ELF2: variants seen among roughly 807,000 people sequenced by gnomAD.
ELF2 encodes the protein ETS-related transcription factor Elf-2.
Under a neutral mutation model 54.8 loss-of-function variants are expected in ELF2, and 11 were observed. The observed-to-expected ratio is 0.20, with a 90% CI of 0.13 to 0.33. ELF2 has a LOEUF of 0.33. Ranked by LOEUF, ELF2 falls within the 10% of genes least tolerant of loss-of-function variation. The pLI, the probability that ELF2 is intolerant of heterozygous loss-of-function variation, is 1.00. For missense variants in ELF2, 513 were observed against 703.0 expected, an observed-to-expected ratio of 0.73 and a Z score of 3.06; for synonymous variants, 203 against 245.1, an observed-to-expected ratio of 0.83 and a Z score of 1.61.
chr4:139,138,171 C>A (rs1738366158), intron 2 of ELF2, among the ~76,000 whole-genome samples: 1 of 152,166 alleles, frequency 6.6e-6, no homozygotes, highest in Non-Finnish European at 1.5e-5. Flanking sequence ...TATATTCCAG[C>A]ACTTTGGGAG....
At chr4:139,120,742 C>T (rs762084032) in intron 4 of ELF2, among the ~76,000 whole-genome samples, 1 of 152,218 alleles carries the variant, frequency 6.6e-6, no homozygotes, top group East Asian at 1.9e-4. Flanking sequence ...CTACTTAAAA[C>T]CTTCCAAATC....
chr4:139,172,739 GT>G (rs1742434512), intron 1 of ELF2, among the ~76,000 whole-genome samples: 2 of 151,924 alleles, frequency 1.3e-5, no homozygotes, highest in Admixed American at 1.3e-4. Flanking sequence ...CTATTGTATT[GT>G]TTTTAATCTC....
chr4:139,139,294 A>C (rs1056832091), intron 2 of ELF2, 119 bp downstream of exon 2: 2 of 468,768 alleles, frequency 4.3e-6, no homozygotes, highest in Non-Finnish European at 6.5e-6. Context: ...AAAATGGAAC[A>C]GAAAGTCTTT....
chr4:139,132,830 A>G (rs1228237138), intron 3 of ELF2, among the ~76,000 whole-genome samples: 4 of 118,018 alleles, frequency 3.4e-5, no homozygotes, highest in Admixed American at 9.3e-5. Context: ...CAAAGTGGTT[A>G]TATTACTTTA....
intron 1 of ELF2, among the ~76,000 whole-genome samples, chr4:139,163,857 T>G (rs1184661643): frequency 6.7e-6 from 1 of 149,636 alleles, no homozygotes; most frequent in East Asian, 2.0e-4. Flanking sequence ...AAGCCTACAG[T>G]GAGGTATGAT....
intron 3 of ELF2, among the ~76,000 whole-genome samples, chr4:139,134,159 G>A (rs1480915108): frequency 2.0e-5 from 3 of 152,018 alleles, no homozygotes; most frequent in Admixed American, 6.6e-5. Context: ...TAGAAAGTTT[G>A]TATAATGAAT....
At chr4:139,161,957 G>A (rs958230243) in intron 1 of ELF2, among the ~76,000 whole-genome samples, 5 of 152,282 alleles carry the variant, frequency 3.3e-5, no homozygotes, top group African/African-American at 1.2e-4. Flanking sequence ...AGCTGGGTGT[G>A]GTGGTGGACG....
intron 1 of ELF2, among the ~76,000 whole-genome samples, chr4:139,159,552 T>C (rs1293470143): frequency 6.6e-6 from 1 of 152,110 alleles, no homozygotes; most frequent in Non-Finnish European, 1.5e-5. Context: ...GCTGCTTTTT[T>C]AGCTACCTTA....
At chr4:139,066,943 A>T (rs1728795600) in intron 7 of ELF2, 1 of 152,010 alleles carries the variant, frequency 6.6e-6, no homozygotes, top group South Asian at 2.1e-4. Context: ...TGGAAAATTA[A>T]ATTTAGCTCA....
chr4:139,151,963 C>G (rs1740042827), intron 1 of ELF2, among the ~76,000 whole-genome samples: 1 of 152,140 alleles, frequency 6.6e-6, no homozygotes, highest in African/African-American at 2.4e-5. Context: ...GCTATTACAC[C>G]AATCATATCT....
At chr4:139,113,307 A>G (rs1457475904) in intron 4 of ELF2, among the ~76,000 whole-genome samples, 2 of 152,188 alleles carry the variant, frequency 1.3e-5, no homozygotes, top group Non-Finnish European at 2.9e-5. Context: ...CCAGTGAGCC[A>G]TGATCATACC....
rs147250618 is a variant in ELF2, at chr4:139,105,994, T to A, written c.238+19170A>T. Among the ~76,000 whole-genome samples, 374 of 152,280 alleles carry A rather than the reference T, an allele frequency of 2.5e-3. 1 individual carries two copies. The highest frequency in any genetic ancestry group is 8.5e-3 in the African/African-American group (354 of 41,562). On this transcript the variant is annotated intron_variant, in intron 4 of 9. Transcript: ENST00000686138. ...CACAGATCCACTGAATCAGAAGTCC[T>A]GGGGATGGGTCCAACAATCTGTATT... is the stretch of plus-strand genomic sequence containing the variant.
chr4:139,121,214 T>C lies in ELF2; in HGVS notation c.238+3950A>G, dbSNP rs1164244285. On this transcript the variant is annotated intron_variant, in intron 4 of 9. Transcript: ENST00000686138. ...AGCTCCGCCTCCCGGGTTCACGCCA[T>C]TCTCCTGCCTCAGCCTCCCGAGTAG... 2.7e-5 allele frequency among the ~76,000 whole-genome samples: 4 copies of C among 145,694 alleles called. No homozygotes were observed. The Admixed American group carries it at 2.8e-4, about 10-fold the overall frequency.
chr4:139,132,141 G>C (rs767175049), intron 3 of ELF2, among the ~76,000 whole-genome samples: 2 of 151,640 alleles, frequency 1.3e-5, no homozygotes, highest in Non-Finnish European at 2.9e-5. Context: ...CAATGATCCT[G>C]GTAATTAAGA....
At chr4:139,141,680 T>C (rs533555110) in intron 1 of ELF2, among the ~76,000 whole-genome samples, 3 of 152,172 alleles carry the variant, frequency 2.0e-5, no homozygotes, top group African/African-American at 7.2e-5. Flanking sequence ...AGGAAGGCCA[T>C]ATGAGGACCT....
In ELF2 at chr4:139,121,095, A is replaced by ATTTTTTTTT. The variant is rs10711256; in HGVS notation, c.238+4060_238+4068dup. The stretch of plus-strand genomic sequence containing the variant: ...GCTTTGTATTTTGAATATAACACAG[A>ATTTTTTTTT]TTTTTTTTTTTTTTTTTTTTTTTTT... On this transcript the variant is annotated intron_variant, in intron 4 of 9. Coordinates refer to ENST00000686138, the MANE Select transcript of ELF2 (RefSeq NM_001331036.3). 2.6e-4 allele frequency among the ~76,000 whole-genome samples: 17 copies of ATTTTTTTTT among 65,084 alleles called. 2 individuals are homozygous for ATTTTTTTTT. Among genetic ancestry groups the ATTTTTTTTT allele is most frequent in the African/African-American group, 1.3e-3 (17 of 13,092 alleles). 42.7% of individuals were successfully genotyped at this position (65,084 alleles called of 152,430 possible).
At position 139,058,617 on chromosome 4, in the gene ELF2, A is replaced by T. The variant is rs988733225; in HGVS notation, c.*366T>A. On this transcript the variant is annotated 3_prime_UTR_variant, in exon 10 of 10. Coordinates refer to ENST00000686138, the MANE Select transcript of ELF2 (RefSeq NM_001331036.3). ...TGCATCAAAAATTGCTATATGTAAC[A>T]ATGAGATTACCCATCCCAACCCCTC... 1 of 184,848 alleles carries T rather than the reference A, an allele frequency of 5.4e-6. No individual in the cohort carries two copies. Among genetic ancestry groups the T allele is most frequent in the African/African-American group, 2.4e-5 (1 of 42,164 alleles). The allele number at this position is 184,848 out of a possible 1,614,324, so 11.5% of individuals were successfully genotyped here.
At chr4:139,073,614 T>A (rs377206057) in intron 4 of ELF2, 47 bp from the exon 5 acceptor site, 23 of 1,069,442 alleles carry the variant, frequency 2.2e-5, no homozygotes, top group Non-Finnish European at 2.8e-5. Context: ...ACTAAACACA[T>A]GACTAAAACA....
At chr4:139,073,989 G>A (rs532371935) in intron 4 of ELF2, among the ~76,000 whole-genome samples, 102 of 152,272 alleles carry the variant, frequency 6.7e-4, no homozygotes, top group Middle Eastern at 6.8e-3. Context: ...TTAGCTGAGC[G>A]TGGTGGCACA....
Sources: allele counts gnomAD v4.1 joint callset (sites outside exome capture counted in the v4.1 genomes callset), GRCh38; gene constraint gnomAD v4.1.1; transcripts MANE v1.5; gene names NCBI Gene and HGNC (gene_info 2026-07-23, HGNC 2026-07-21).